Variants in COL1A1 observed in about 807,000 individuals in gnomAD.
The protein encoded by COL1A1 is collagen type I alpha 1 chain.
A neutral mutation model predicts 195.7 loss-of-function variants in COL1A1; 21 were observed. That is an observed-to-expected ratio of 0.11 (90% confidence interval 0.08 to 0.15). The LOEUF (loss-of-function observed/expected upper bound fraction) is 0.15. Among genes scored for constraint, COL1A1 ranks in the 10% least tolerant of loss-of-function variants. The pLI is 1.00. For missense variants in COL1A1, 1,365 were observed against 2,051.0 expected, an observed-to-expected ratio of 0.67 and a Z score of 6.46; for synonymous variants, 749 against 747.3, an observed-to-expected ratio of 1.00 and a Z score of -0.04.
Position 50,190,623 on chromosome 17 carries a change from G to A in COL1A1, c.2344-27C>T, listed in dbSNP as rs746678616. ...TGAGAGCAAGGGACAAGAGGCTCAG[G>A]GTCAGGGCCTCCCCTGAATACTCCT... On this transcript the variant is annotated intron_variant, in intron 33 of 50. Coordinates refer to ENST00000225964, the MANE Select transcript of COL1A1 (RefSeq NM_000088.4). This position sits in a 1 kb window ranked among gnomAD's most constrained non-coding sequence, Gnocchi z 4.7. 3.1e-6 allele frequency: 5 copies of A among 1,611,274 alleles called. No homozygotes were observed. Among genetic ancestry groups the A allele is most frequent in the Middle Eastern group, 1.7e-4 (1 of 6,048 alleles).
At position 50,196,384 on chromosome 17, in the gene COL1A1, G is replaced by A. The variant is rs1254166138; in HGVS notation, c.904-17C>T. The A allele has an allele frequency of 9.9e-6, 16 of 1,614,006 alleles. No individual in the cohort carries two copies. Among genetic ancestry groups the A allele is most frequent in the Non-Finnish European group, 1.3e-5 (15 of 1,179,936 alleles). ...ACGGGGGCCCTGACAACCAAACCAAGAGAAGTCAGATGAGATGGGAGACAG... is the reference window on the plus strand; with the variant it reads ...ACGGGGGCCCTGACAACCAAACCAAAAGAAGTCAGATGAGATGGGAGACAG... On this transcript the variant is annotated splice_polypyrimidine_tract_variant and intron_variant, in intron 13 of 50. Transcript: ENST00000225964.
Position 50,189,672 on chromosome 17 carries a change from G to A in COL1A1, c.2667+7C>T. On this transcript the variant is annotated splice_region_variant and intron_variant, in intron 38 of 50. Coordinates refer to ENST00000225964, the MANE Select transcript of COL1A1 (RefSeq NM_000088.4). The surrounding 1 kb of genome is among the most constrained non-coding windows in gnomAD (Gnocchi z 5.5). ...CTAGAGCAGTGGACTCTGCTGCAGA[G>A]ACTTACAGAGGGGCCAGGAGGACCG... 1 of 1,612,966 alleles carries A rather than the reference G, an allele frequency of 6.2e-7. No homozygotes were observed. Among genetic ancestry groups the A allele is most frequent in the Non-Finnish European group, 8.5e-7 (1 of 1,179,584 alleles).
In COL1A1 at chr17:50,201,344, G is replaced by A. The variant is rs1908077417; in HGVS notation, c.103+67C>T. 2.8e-6 allele frequency: 4 copies of A among 1,441,410 alleles called. No individual in the cohort carries two copies. In the South Asian group the frequency reaches 3.6e-5, roughly 13 times the overall value. The allele number at this position is 1,441,410 out of a possible 1,614,324, so 89.3% of individuals were successfully genotyped here. A position where few individuals can be genotyped will look rare whatever the true frequency, so the allele number is the denominator to read the frequency against. On this transcript the variant is annotated intron_variant, in intron 1 of 50. Coordinates refer to ENST00000225964, the MANE Select transcript of COL1A1 (RefSeq NM_000088.4). Reference sequence around the variant, plus strand: ...TCATCCACGTCTCGTTTTAAGCCGCGGCCCCCGGGACCAAGCGCAAGGCGC... The same window carrying A: ...TCATCCACGTCTCGTTTTAAGCCGCAGCCCCCGGGACCAAGCGCAAGGCGC...
rs145251615 is a variant in COL1A1, at chr17:50,187,011, A to G, written c.3531+4T>C. On this transcript the variant is annotated splice_donor_region_variant and intron_variant, in intron 47 of 50. Transcript: ENST00000225964. ...ATGAGCAGAGGGGATGAGGGGCTAC[A>G]TACAACAGGACCAGCATCACCAGTG... 57 of 1,613,348 alleles carry G rather than the reference A, an allele frequency of 3.5e-5. No individual in the cohort carries two copies. The highest frequency in any genetic ancestry group is 2.5e-4 in the African/African-American group (19 of 75,018).
Position 50,190,205 on chromosome 17 carries a change from G to T in COL1A1, c.2452-97C>A. The stretch of plus-strand genomic sequence containing the variant: ...AATGGAGGCAGGAAGATGCTTGGGT[G>T]GGAAACAATCCCGTCTCCACCCTTC... On this transcript the variant is annotated intron_variant, in intron 35 of 50. Coordinates refer to ENST00000225964, the MANE Select transcript of COL1A1 (RefSeq NM_000088.4). The surrounding 1 kb of genome is among the most constrained non-coding windows in gnomAD (Gnocchi z 4.7). 7.7e-7 allele frequency: 1 copy of T among 1,290,806 alleles called. No individual in the cohort carries two copies. The allele number at this position is 1,290,806 out of a possible 1,614,324, so 80.0% of individuals were successfully genotyped here.
Position 50,197,662 on chromosome 17 carries a change from G to T in COL1A1, c.696+70C>A, listed in dbSNP as rs542486331. The T allele has an allele frequency of 2.4e-6, 3 of 1,267,908 alleles. No individual in the cohort carries two copies. In the East Asian group the frequency reaches 7.0e-5, roughly 29 times the overall value. The allele number at this position is 1,267,908 out of a possible 1,614,324, so 78.5% of individuals were successfully genotyped here. A position where few individuals can be genotyped will look rare whatever the true frequency, so the allele number is the denominator to read the frequency against. Reference sequence around the variant, plus strand: ...GAGTATCGTTCCCAAATGTGGTGGAGTGGAAATTGCAGGACCCAACCCATG... The same window carrying T: ...GAGTATCGTTCCCAAATGTGGTGGATTGGAAATTGCAGGACCCAACCCATG... On this transcript the variant is annotated intron_variant, in intron 9 of 50. Transcript: ENST00000225964.
Position 50,186,484 on chromosome 17 carries a change from G to T in COL1A1, c.3838C>A (p.Gln1280Lys). ...KSGEYWIDPN[Q>K]GCNLDAIKVF... The stretch of plus-strand genomic sequence containing the variant: ...TTGATGGCATCCAGGTTGCAGCCTT[G>T]GTTGGGGTCAATCCAGTACTCTCCT... The change falls in exon 49 of 51, where the codon CAA (glutamine) becomes AAA (lysine). Residue 1280 changes from glutamine (Q) to lysine (K), a missense_variant. Around this residue, in one of 5 missense-constraint regions of COL1A1, gnomAD observed 273 missense variants for 338.6 expected, o/e 0.81. Transcript: ENST00000225964. This position sits in a 1 kb window ranked among gnomAD's most constrained non-coding sequence, Gnocchi z 5.3. 6.2e-7 allele frequency: 1 copy of T among 1,614,194 alleles called. No individual in the cohort carries two copies. Among genetic ancestry groups the T allele is most frequent in the South Asian group, 1.1e-5 (1 of 91,080 alleles).
intron 15 of COL1A1, 71 bp downstream of exon 15, chr17:50,196,084 T>A: frequency 1.2e-6 from 2 of 1,610,434 alleles, no homozygotes; most frequent in South Asian, 2.2e-5. Context: ...CTGCTCCCAT[T>A]GTCAGCCCCA....
At chr17:50,187,204 C>T in intron 46 of COL1A1, 82 bp from the exon 47 acceptor site, 2 of 1,162,490 alleles carry the variant, frequency 1.7e-6, no homozygotes, top group Non-Finnish European at 2.5e-6. Context: ...ACCACCCTCC[C>T]TGCTGGCTCT....
Position 50,189,554 on chromosome 17 carries a change from A to C in COL1A1, c.2668-16T>G, listed in dbSNP as rs1906880347. ...CAGCATTTCCCTGGATGAGGATAGGAGGGGCTGTCAGACTCCAGGGGGCTC... is the reference window on the plus strand; with the variant it reads ...CAGCATTTCCCTGGATGAGGATAGGCGGGGCTGTCAGACTCCAGGGGGCTC... On this transcript the variant is annotated splice_polypyrimidine_tract_variant and intron_variant, in intron 38 of 50. Transcript: ENST00000225964. The surrounding 1 kb of genome is among the most constrained non-coding windows in gnomAD (Gnocchi z 5.5). 1 of 1,613,498 alleles carries C rather than the reference A, an allele frequency of 6.2e-7. No homozygotes were observed. Among genetic ancestry groups the C allele is most frequent in the African/African-American group, 1.3e-5 (1 of 74,854 alleles).
rs774708577 is a variant in COL1A1 at position 50,195,968 on chromosome 17, G to T, written c.1011C>A (p.Thr337=). 6.3e-7 allele frequency: 1 copy of T among 1,594,710 alleles called. No homozygotes were observed. The highest frequency in any genetic ancestry group is 1.1e-5 in the South Asian group (1 of 88,206). Residue 337 remains threonine (T), a synonymous_variant, in exon 16 of 51, where the codon ACC becomes ACA. Coordinates refer to ENST00000225964, the MANE Select transcript of COL1A1 (RefSeq NM_000088.4). This position sits in a 1 kb window ranked among gnomAD's most constrained non-coding sequence, Gnocchi z 4.3. ...ATGAAGPPGP[T]GPAGPPGFPG... is the part of the protein sequence containing the mutation. ...GGAAGCCAGGAGGACCAGCGGGGCC[G>T]GTGGGACCCTGTGAATGAAATGGAG...
rs1485612842 is a variant in COL1A1, at chr17:50,186,281, T to C, written c.4005+36A>G. On this transcript the variant is annotated intron_variant, in intron 49 of 50. Coordinates refer to ENST00000225964, the MANE Select transcript of COL1A1 (RefSeq NM_000088.4). The surrounding 1 kb of genome is among the most constrained non-coding windows in gnomAD (Gnocchi z 5.3). Reference sequence around the variant, plus strand: ...CCCTTCTGAGCACTGGGCTAGCCCATCTCCTAACACTGGCTCTGAGGTCCA... The same window carrying C: ...CCCTTCTGAGCACTGGGCTAGCCCACCTCCTAACACTGGCTCTGAGGTCCA... The C allele has an allele frequency of 3.7e-6, 6 of 1,612,956 alleles. No individual in the cohort carries two copies. Among genetic ancestry groups the C allele is most frequent in the South Asian group, 1.1e-5 (1 of 91,068 alleles).
In COL1A1 at chr17:50,190,186, G is replaced by C; in HGVS notation, c.2452-78C>G. 4.5e-6 allele frequency: 6 copies of C among 1,330,716 alleles called. No homozygotes were observed. In the South Asian group the frequency reaches 5.9e-5, roughly 13 times the overall value. 82.4% of individuals were successfully genotyped at this position (1,330,716 alleles called of 1,614,324 possible). On this transcript the variant is annotated intron_variant, in intron 35 of 50. Transcript: ENST00000225964. This position sits in a 1 kb window ranked among gnomAD's most constrained non-coding sequence, Gnocchi z 4.7. ...TACCTGGGGGAGGAGCAGTAATGGAGGCAGGAAGATGCTTGGGTGGGAAAC... is the reference window on the plus strand; with the variant it reads ...TACCTGGGGGAGGAGCAGTAATGGACGCAGGAAGATGCTTGGGTGGGAAAC...
At chr17:50,200,847 G>A (rs1462978479) in intron 1 of COL1A1, among the ~76,000 whole-genome samples, 1 of 152,302 alleles carries the variant, frequency 6.6e-6, no homozygotes, top group South Asian at 2.1e-4. Flanking sequence ...CCCAGTAAGC[G>A]TTGGACCGGG....
intron 1 of COL1A1, 127 bp downstream of exon 1, chr17:50,201,284 C>G: frequency 1.1e-6 from 1 of 889,808 alleles, no homozygotes; most frequent in South Asian, 1.4e-5. Context: ...GAGGAAGAGC[C>G]CTCATCATCT....
Position 50,189,288 on chromosome 17 carries a change from A to G in COL1A1, c.2830-13T>C. ...TACCAGGAGCACCCTTTGGGAGGCAAACAGGGGTGAGGTGCCAGAGAGCAG... is the reference window on the plus strand; with the variant it reads ...TACCAGGAGCACCCTTTGGGAGGCAGACAGGGGTGAGGTGCCAGAGAGCAG... On this transcript the variant is annotated splice_polypyrimidine_tract_variant and intron_variant, in intron 39 of 50. Transcript: ENST00000225964. The surrounding 1 kb of genome is among the most constrained non-coding windows in gnomAD (Gnocchi z 5.5). 2 of 1,613,932 alleles carry G rather than the reference A, an allele frequency of 1.2e-6. No individual in the cohort carries two copies. Among genetic ancestry groups the G allele is most frequent in the Non-Finnish European group, 1.7e-6 (2 of 1,179,948 alleles).
chr17:50,198,257 TGTGGATGTAG>T lies in COL1A1; in HGVS notation c.544-62_544-53del, dbSNP rs534976382. ...ATGGTGATCCCTCTGTAGGAAAGCA[TGTGGATGTAG>T]TCATTCATGCCTGTTGGGACCACCC... On this transcript the variant is annotated intron_variant, in intron 6 of 50. Transcript: ENST00000225964. 34 of 1,606,906 alleles carry T rather than the reference TGTGGATGTAG, an allele frequency of 2.1e-5. No homozygotes were observed. In the African/African-American group the frequency reaches 3.1e-4, roughly 15 times the overall value.
chr17:50,188,976 C>A lies in COL1A1; in HGVS notation c.2972G>T (p.Ser991Ile). 6.2e-7 allele frequency: 1 copy of A among 1,611,000 alleles called. No individual in the cohort carries two copies. The highest frequency in any genetic ancestry group is 8.5e-7 in the Non-Finnish European group (1 of 1,178,452). The change falls in exon 41 of 51, where the codon AGT (serine) becomes ATT (isoleucine). Residue 991 changes from serine (S) to isoleucine (I), a missense_variant. Ser to Ile is a moderately radical substitution (Grantham distance 142). Around this residue, in one of 5 missense-constraint regions of COL1A1, gnomAD observed 671 missense variants for 1,099.9 expected, o/e 0.61. Transcript: ENST00000225964. The surrounding 1 kb of genome is among the most constrained non-coding windows in gnomAD (Gnocchi z 5.6). Reference sequence around the variant, plus strand: ...GGGACCAGGGGGACCACGTTCACCACTTGCTCCAGAGGGACCTTGTTTGCC... The same window carrying A: ...GGGACCAGGGGGACCACGTTCACCAATTGCTCCAGAGGGACCTTGTTTGCC... ...EPGKQGPSGASGERGPPGPMG... is the reference protein window; with the variant it reads ...EPGKQGPSGAIGERGPPGPMG...
At chr17:50,200,044 C>T in intron 1 of COL1A1, 97 bp from the exon 2 acceptor site, 2 of 1,243,906 alleles carry the variant, frequency 1.6e-6, no homozygotes, top group South Asian at 1.2e-5. Flanking sequence ...GGATTTTTCA[C>T]TTCCCGCCCC....
Sources: gnomAD v4.1 joint callset for allele counts (sites outside exome capture counted in the v4.1 genomes callset) on GRCh38, gnomAD v4.1.1 for gene constraint, gnomAD v4.1.1 regional missense constraint, Gnocchi (gnomAD v3.1) non-coding constraint, MANE v1.5 for transcripts, NCBI Gene and HGNC (gene_info 2026-07-23, HGNC 2026-07-21) for gene names.